The following MXRA7 variants were observed in gnomAD, a reference collection of about 807,000 sequenced individuals.
MXRA7 encodes the protein matrix-remodeling-associated protein 7.
A neutral mutation model predicts 17.4 loss-of-function variants in MXRA7; 18 were observed. The observed-to-expected ratio is 1.03, with a 90% CI of 0.71 to 1.53. MXRA7 has a LOEUF of 1.53. Ranked by LOEUF, MXRA7 falls within the 40% of genes most tolerant of loss-of-function variation. The probability of loss-of-function intolerance (pLI) is 0.00; values close to 1 mark genes in which losing one functional copy is unlikely to be tolerated. For missense variants in MXRA7, 141 were observed against 209.3 expected, an observed-to-expected ratio of 0.67 and a Z score of 2.01; for synonymous variants, 70 against 101.7, an observed-to-expected ratio of 0.69 and a Z score of 1.87.
intron 1 of MXRA7, among the ~76,000 whole-genome samples, chr17:76,697,319 G>A (rs538900644): frequency 2.8e-4 from 42 of 152,310 alleles, no homozygotes; most frequent in East Asian, 1.9e-3. Flanking sequence ...AGGAGGACCC[G>A]AACCTGCGGA....
At chr17:76,673,050 C>T (rs1413490983) in exon 4 of MXRA7, 5 of 152,192 alleles carry the variant, frequency 3.3e-5, no homozygotes, top group Non-Finnish European at 7.3e-5. Context: ...ATTTCTGGTA[C>T]CCTGCCGCTC....
At chr17:76,682,539 T>G (rs1453447070) in intron 3 of MXRA7, among the ~76,000 whole-genome samples, 2 of 152,104 alleles carry the variant, frequency 1.3e-5, no homozygotes, top group East Asian at 1.9e-4. Context: ...AGAACCATCG[T>G]GCTGAAGATG....
rs1356697382 is a variant in MXRA7 at position 76,680,423 on chromosome 17, C to A, written c.*444G>T. 7 of 987,696 alleles carry A rather than the reference C, an allele frequency of 7.1e-6. No homozygotes were observed. Among genetic ancestry groups the A allele is most frequent in the Non-Finnish European group, 8.4e-6 (7 of 831,566 alleles). 61.2% of individuals were successfully genotyped at this position (987,696 alleles called of 1,614,324 possible). The stretch of plus-strand genomic sequence containing the variant: ...AGCTGGTGAGCACAGGTGAGCTCTA[C>A]CTCATTTGTCTCTCATTCCTCAAAG... On this transcript the variant is annotated 3_prime_UTR_variant, in exon 4 of 4. Transcript: ENST00000449428.
chr17:76,695,353 G>GGGGT, intron 1 of MXRA7, among the ~76,000 whole-genome samples: 1 of 148,100 alleles, frequency 6.8e-6, no homozygotes, highest in African/African-American at 2.5e-5. Context: ...TTTAGCTTCA[G>GGGGT]GTGTGTGTGT....
At chr17:76,692,686 A>AT (rs1416593918) in intron 1 of MXRA7, among the ~76,000 whole-genome samples, 1 of 152,020 alleles carries the variant, frequency 6.6e-6, no homozygotes, top group Admixed American at 6.6e-5. Context: ...TTGAGGCTTT[A>AT]ATAACTTCAG....
rs1350262671 is a variant in MXRA7 at position 76,680,220 on chromosome 17, TGAA to T, written c.*644_*646del. ...CCTCAGTGAAAAGGTGTCTTAGCAA[TGAA>T]AGGGCTGAATCCGAGATTCCTCTAG... On this transcript the variant is annotated 3_prime_UTR_variant, in exon 4 of 4. Coordinates refer to ENST00000449428, the MANE Select transcript of MXRA7 (RefSeq NM_198530.4). 2 of 954,354 alleles carry T rather than the reference TGAA, an allele frequency of 2.1e-6. No homozygotes were observed. The highest frequency in any genetic ancestry group is 2.5e-6 in the Non-Finnish European group (2 of 802,786). 59.1% of individuals were successfully genotyped at this position (954,354 alleles called of 1,614,324 possible).
Position 76,704,743 on chromosome 17 carries a change from C to T in MXRA7, c.342+5862G>A, listed in dbSNP as rs192293262. Among the ~76,000 whole-genome samples, 1,279 of 149,086 alleles carry T rather than the reference C, an allele frequency of 8.6e-3. 14 individuals carry two copies. The highest frequency in any genetic ancestry group is 0.013 in the Non-Finnish European group (845 of 67,488). On this transcript the variant is annotated intron_variant, in intron 1 of 3. Coordinates refer to ENST00000449428, the MANE Select transcript of MXRA7 (RefSeq NM_198530.4). ...GAGGTTGCAGTGAGCTGAGATTGCG[C>T]CACTGCACTCCTGGGCGACAAGAGC...
At chr17:76,684,647 G>C (rs1436927254) in intron 3 of MXRA7, 1 of 438,912 alleles carries the variant, frequency 2.3e-6, no homozygotes, top group South Asian at 1.6e-5. Flanking sequence ...GCCGCTGAAG[G>C]ATGAGCACCA....
chr17:76,679,021 G>A (rs969296226), downstream of MXRA7, among the ~76,000 whole-genome samples: 2 of 152,170 alleles, frequency 1.3e-5, no homozygotes, highest in African/African-American at 4.8e-5. Flanking sequence ...AGGGTCAGGT[G>A]CAGTGGCTCA....
intron 2 of MXRA7, among the ~76,000 whole-genome samples, 155 bp from the exon 3 acceptor site, chr17:76,685,320 G>A (rs1368498852): frequency 1.3e-5 from 2 of 152,238 alleles, no homozygotes; most frequent in East Asian, 1.9e-4. Flanking sequence ...ACCCCCTCTC[G>A]TTCCATAGCT....
chr17:76,672,973 G>A (rs1045913045), exon 4 of MXRA7: 1 of 152,214 alleles, frequency 6.6e-6, no homozygotes, highest in Non-Finnish European at 1.5e-5. Context: ...GACCCGGAAA[G>A]GCATGTTTGG....
chr17:76,692,635 T>TA (rs35115981), intron 1 of MXRA7, among the ~76,000 whole-genome samples: 53,918 of 142,560 alleles, frequency 0.38, 10,824 homozygotes, highest in Middle Eastern at 0.49. Context: ...CTAGTATTGT[T>TA]AAAAAAAAAA....
chr17:76,698,115 T>C (rs1487912886), intron 1 of MXRA7, among the ~76,000 whole-genome samples: 1 of 152,104 alleles, frequency 6.6e-6, no homozygotes, highest in Non-Finnish European at 1.5e-5. Flanking sequence ...CACTGGCTAA[T>C]CCAGAATGAC....
At chr17:76,692,542 C>T (rs1427332809) in intron 1 of MXRA7, among the ~76,000 whole-genome samples, 1 of 151,650 alleles carries the variant, frequency 6.6e-6, no homozygotes, top group African/African-American at 2.4e-5. Flanking sequence ...TGTGGGCCAC[C>T]GCGCCCGGCC....
chr17:76,706,197 GAGGCCCACGCTGCCATCACAA>G (rs1567990725), intron 1 of MXRA7, among the ~76,000 whole-genome samples: 4 of 104,982 alleles, frequency 3.8e-5, no homozygotes, highest in East Asian at 3.1e-4. Context: ...TGCCATCACA[GAGGCCCACGCTGCCATCACAA>G]AGGCCCACTC....
exon 4 of MXRA7, chr17:76,674,155 G>T (rs1224925206): frequency 6.6e-6 from 1 of 152,144 alleles, no homozygotes; most frequent in African/African-American, 2.4e-5. Flanking sequence ...GTTCCATTGG[G>T]ATTGGCTTCT....
At chr17:76,710,394 C>T (rs1213521816) in intron 1 of MXRA7, among the ~76,000 whole-genome samples, 2 of 152,178 alleles carry the variant, frequency 1.3e-5, no homozygotes, top group African/African-American at 4.8e-5. Flanking sequence ...CGGGCTCGCC[C>T]CTCGCCACAC....
chr17:76,675,907 C>T (rs1462899384), downstream of MXRA7: 1 of 31,472 alleles, frequency 3.2e-5, no homozygotes, highest in Non-Finnish European at 1.0e-4. Context: ...GCCACTGCTC[C>T]ACTTTTTTTT....
intron 3 of MXRA7, among the ~76,000 whole-genome samples, chr17:76,683,249 C>T (rs946027521): frequency 3.9e-5 from 6 of 152,238 alleles, no homozygotes; most frequent in Non-Finnish European, 7.3e-5. Context: ...GTGGTCTCTG[C>T]TGCAGTGACT....
Sources: allele counts gnomAD v4.1 joint callset (sites outside exome capture counted in the v4.1 genomes callset), GRCh38; gene constraint gnomAD v4.1.1; transcripts MANE v1.5; gene names NCBI Gene and HGNC (gene_info 2026-07-23, HGNC 2026-07-21).